Variants in FAM204A observed in about 807,000 individuals in gnomAD.
FAM204A encodes the protein family with sequence similarity 204 member A.
FAM204A carries 16 observed loss-of-function variants against 35.4 expected under a neutral mutation model. The ratio of observed to expected loss-of-function variants is 0.45; its 90% CI spans 0.31 to 0.69. The LOEUF (loss-of-function observed/expected upper bound fraction) is 0.69, where lower values mean the gene tolerates loss of function less well. Among genes scored for constraint, FAM204A ranks in the 30% least tolerant of loss-of-function variants. FAM204A has a pLI of 0.07. For missense variants in FAM204A, 240 were observed against 265.7 expected, an observed-to-expected ratio of 0.90 and a Z score of 0.67; for synonymous variants, 76 against 86.9, an observed-to-expected ratio of 0.88 and a Z score of 0.70.
chr10:118,323,380 G>T (rs1041764718), intron 7 of FAM204A, among the ~76,000 whole-genome samples: 1 of 152,214 alleles, frequency 6.6e-6, no homozygotes, highest in Non-Finnish European at 1.5e-5. Context: ...AATTGTTAAA[G>T]GGATTCAAGA....
In FAM204A at chr10:118,301,240, CT is replaced by C. The variant is rs1345355188; in HGVS notation, c.*9616del. On this transcript the variant is annotated 3_prime_UTR_variant, in exon 9 of 9. Coordinates refer to ENST00000369183, the MANE Select transcript of FAM204A (RefSeq NM_022063.3). ...ATTAGTACTAACAAACACTTACACA[CT>C]TTCACAGAATTGTCAAGGACTACGA... 3 of 152,250 alleles carry C rather than the reference CT, an allele frequency of 2.0e-5. No homozygotes were observed. Among genetic ancestry groups the C allele is most frequent in the Non-Finnish European group, 2.9e-5 (2 of 68,054 alleles). 9.4% of individuals were successfully genotyped at this position (152,250 alleles called of 1,614,324 possible). A position where few individuals can be genotyped will look rare whatever the true frequency, so the allele number is the denominator to read the frequency against.
chr10:118,318,279 G>A (rs1400859422), intron 7 of FAM204A, among the ~76,000 whole-genome samples: 3 of 151,944 alleles, frequency 2.0e-5, no homozygotes, highest in African/African-American at 7.2e-5. Flanking sequence ...TTGCCAGAGT[G>A]CAGACATTAG....
At chr10:118,310,985 C>A in intron 8 of FAM204A, 77 bp from the exon 9 acceptor site, 2 of 1,428,316 alleles carry the variant, frequency 1.4e-6, no homozygotes, top group South Asian at 1.3e-5. Flanking sequence ...TACTTAGAGA[C>A]CAAAGCAAAA....
intron 7 of FAM204A, among the ~76,000 whole-genome samples, chr10:118,323,333 A>G (rs1434565807): frequency 2.0e-5 from 3 of 152,142 alleles, no homozygotes; most frequent in Admixed American, 2.0e-4. Flanking sequence ...ACTCCAGAGC[A>G]GCTAGCATCT....
intron 6 of FAM204A, among the ~76,000 whole-genome samples, chr10:118,329,825 G>A (rs1846262684): frequency 6.6e-6 from 1 of 152,060 alleles, no homozygotes; most frequent in African/African-American, 2.4e-5. Flanking sequence ...ATCCATGTTT[G>A]CATTCATAGT....
At chr10:118,329,935 T>A (rs1171561919) in intron 6 of FAM204A, among the ~76,000 whole-genome samples, 1 of 152,132 alleles carries the variant, frequency 6.6e-6, no homozygotes, top group Non-Finnish European at 1.5e-5. Flanking sequence ...ATAATGCCCC[T>A]ATGGTTAAAA....
chr10:118,326,700 C>A (rs1259409356), intron 6 of FAM204A, among the ~76,000 whole-genome samples: 1 of 152,172 alleles, frequency 6.6e-6, no homozygotes, highest in Non-Finnish European at 1.5e-5. Context: ...AAGCCAGCGT[C>A]TGTAAGTAGT....
chr10:118,314,857 T>C (rs779917711), intron 7 of FAM204A, among the ~76,000 whole-genome samples: 5 of 152,122 alleles, frequency 3.3e-5, no homozygotes, highest in Admixed American at 6.6e-5. Flanking sequence ...CTAAACATTA[T>C]CACAAAGAAC....
At chr10:118,335,092 G>A in intron 6 of FAM204A, 22 bp downstream of exon 6, 2 of 1,512,488 alleles carry the variant, frequency 1.3e-6, no homozygotes, top group South Asian at 2.3e-5. Flanking sequence ...GCTGGTATAA[G>A]ATGCAATAAC....
intron 7 of FAM204A, among the ~76,000 whole-genome samples, chr10:118,321,759 T>C (rs1846121635): frequency 7.2e-6 from 1 of 139,300 alleles, no homozygotes; most frequent in Admixed American, 7.3e-5. Flanking sequence ...CCTAATATCC[T>C]CAAAGGAAAC....
intron 7 of FAM204A, among the ~76,000 whole-genome samples, chr10:118,315,321 A>G (rs940371435): frequency 1.3e-5 from 2 of 152,200 alleles, no homozygotes; most frequent in Admixed American, 6.5e-5. Context: ...GCTGATAATC[A>G]TTTGAAGTAT....
intron 6 of FAM204A, among the ~76,000 whole-genome samples, chr10:118,334,762 C>G (rs2133290985): frequency 6.6e-6 from 1 of 152,296 alleles, no homozygotes; most frequent in Non-Finnish European, 1.5e-5. Context: ...CTGGAATGTC[C>G]CAGGACGACT....
intron 8 of FAM204A, 112 bp downstream of exon 8, chr10:118,311,095 G>GA (rs925087687): frequency 3.6e-6 from 4 of 1,119,504 alleles, no homozygotes; most frequent in Non-Finnish European, 5.3e-6. Context: ...ATTCAACGAA[G>GA]AAAAAAATGT....
At chr10:118,335,733 C>T in intron 3 of FAM204A, 92 bp from the exon 4 acceptor site, 2 of 983,582 alleles carry the variant, frequency 2.0e-6, no homozygotes, top group Non-Finnish European at 3.0e-6. Flanking sequence ...AATTATATTT[C>T]AGCGTGTATA....
At chr10:118,328,081 C>A (rs1846227172) in intron 6 of FAM204A, among the ~76,000 whole-genome samples, 1 of 152,210 alleles carries the variant, frequency 6.6e-6, no homozygotes, top group South Asian at 2.1e-4. Flanking sequence ...CACTCCTTAT[C>A]TCTTTGTATA....
chr10:118,315,787 G>A (rs1356057731), intron 7 of FAM204A, among the ~76,000 whole-genome samples: 1 of 152,076 alleles, frequency 6.6e-6, no homozygotes, highest in Non-Finnish European at 1.5e-5. Flanking sequence ...CTTTTAGCCT[G>A]CATGCAAGTA....
Position 118,307,546 on chromosome 10 carries a change from C to T in FAM204A, c.*3311G>A, listed in dbSNP as rs1267982282. On this transcript the variant is annotated 3_prime_UTR_variant, in exon 9 of 9. Transcript: ENST00000369183. ...CATAACATCGGCTTGCCTCCTCAAA[C>T]TTTATCATCTCTTAAAAAATAATGT... The T allele has an allele frequency of 6.6e-6, 1 of 152,192 alleles. No homozygotes were observed. The highest frequency in any genetic ancestry group is 2.4e-5 in the African/African-American group (1 of 41,444). The allele number at this position is 152,192 out of a possible 1,614,324, so 9.4% of individuals were successfully genotyped here.
chr10:118,324,034 A>C (rs948859144), intron 7 of FAM204A, among the ~76,000 whole-genome samples: 2 of 152,076 alleles, frequency 1.3e-5, no homozygotes, highest in Admixed American at 1.3e-4. Context: ...CTAACACTGA[A>C]ATCCTACTGA....
At chr10:118,335,727 A>C (rs1846373752) in intron 3 of FAM204A, 86 bp from the exon 4 acceptor site, 2 of 1,034,652 alleles carry the variant, frequency 1.9e-6, no homozygotes, top group East Asian at 2.6e-5. Flanking sequence ...TAAAACAATT[A>C]TATTTCAGCG....
Sources: allele counts gnomAD v4.1 joint callset (sites outside exome capture counted in the v4.1 genomes callset), GRCh38; gene constraint gnomAD v4.1.1; transcripts MANE v1.5; gene names NCBI Gene and HGNC (gene_info 2026-07-23, HGNC 2026-07-21).